The following TEX36 variants were observed in gnomAD, a reference collection of about 807,000 sequenced individuals.
TEX36 encodes the protein testis expressed 36, also known as testis-expressed protein 36.
In TEX36, 12 loss-of-function variants were observed where a neutral mutation model predicts 13.6. The ratio of observed to expected loss-of-function variants is 0.88; its 90% CI spans 0.56 to 1.43. The LOEUF (loss-of-function observed/expected upper bound fraction) is 1.43. Ranked by LOEUF, TEX36 falls within the 40% of genes most tolerant of loss-of-function variation. TEX36 has a pLI of 0.00. For synonymous variants in TEX36, 93 were observed against 83.0 expected, an observed-to-expected ratio of 1.12 and a Z score of -0.65; for missense variants, 224 against 228.3, an observed-to-expected ratio of 0.98 and a Z score of 0.12.
At chr10:125,646,543 T>C (rs1311933429) in intron 3 of TEX36, among the ~76,000 whole-genome samples, 1 of 151,388 alleles carries the variant, frequency 6.6e-6, no homozygotes, top group African/African-American at 2.4e-5. Flanking sequence ...CAAAATAAGC[T>C]CAAGAAAGGA....
chr10:125,620,327 G>C (rs1426286330), downstream of TEX36, among the ~76,000 whole-genome samples: 2 of 152,188 alleles, frequency 1.3e-5, no homozygotes, highest in African/African-American at 4.8e-5. Flanking sequence ...ACTCATTGTT[G>C]CTTTAATGGC....
At chr10:125,671,280 G>A (rs1242419371) in intron 1 of TEX36, among the ~76,000 whole-genome samples, 9 of 152,168 alleles carry the variant, frequency 5.9e-5, no homozygotes, top group African/African-American at 2.2e-4. Flanking sequence ...TGTCATAAAT[G>A]GCTCTTATAA....
chr10:125,576,599 TG>T, exon 4 of TEX36: 1 of 1,134,880 alleles, frequency 8.8e-7, no homozygotes, highest in Non-Finnish European at 1.2e-6. Context: ...TCTCCATAGC[TG>T]GAAATTTATT....
chr10:125,643,525 C>T (rs1372560281), intron 3 of TEX36, among the ~76,000 whole-genome samples: 2 of 152,210 alleles, frequency 1.3e-5, no homozygotes, highest in Non-Finnish European at 2.9e-5. Context: ...GGGCGGATCA[C>T]GAGGTCAGGA....
intron 3 of TEX36, among the ~76,000 whole-genome samples, chr10:125,644,918 C>T (rs924071233): frequency 1.1e-4 from 17 of 152,180 alleles, no homozygotes; most frequent in African/African-American, 3.9e-4. Flanking sequence ...TCAAGGTTTT[C>T]CATTGCTGGG....
At chr10:125,602,554 G>A (rs1017847711) in intron 3 of TEX36, among the ~76,000 whole-genome samples, 33 of 152,040 alleles carry the variant, frequency 2.2e-4, no homozygotes, top group East Asian at 1.9e-4. Flanking sequence ...CATGCTCCCC[G>A]GCAGCTGTAT....
chr10:125,639,632 G>A (rs779969194), intron 3 of TEX36, among the ~76,000 whole-genome samples: 2 of 152,046 alleles, frequency 1.3e-5, no homozygotes, highest in African/African-American at 2.4e-5. Flanking sequence ...AGGGTGGGAG[G>A]GGCTGTGGCC....
chr10:125,615,151 G>A (rs1258340427), intron 3 of TEX36, among the ~76,000 whole-genome samples: 82 of 152,210 alleles, frequency 5.4e-4, no homozygotes, highest in Non-Finnish European at 1.0e-3. Context: ...AGACTTTGCT[G>A]AAGTTGCTTA....
chr10:125,648,060 G>C (rs1408160756), intron 3 of TEX36, among the ~76,000 whole-genome samples: 2 of 152,246 alleles, frequency 1.3e-5, no homozygotes, highest in African/African-American at 4.8e-5. Flanking sequence ...TGCCTCTGTA[G>C]ACTTCACCTC....
Position 125,674,703 on chromosome 10 carries a change from T to C in TEX36, c.51+8236A>G, listed in dbSNP as rs111393481. ...CTTCCACAGGACTGCTGCAGTTTGC[T>C]GGAGGTCCATTCCAGACCCTATTTG... On this transcript the variant is annotated intron_variant, in intron 1 of 3. Transcript: ENST00000368821. Among the ~76,000 whole-genome samples, 105 of 152,376 alleles carry C rather than the reference T, an allele frequency of 6.9e-4. 1 individual carries two copies. Among genetic ancestry groups the C allele is most frequent in the African/African-American group, 2.4e-3 (100 of 41,596 alleles).
intron 3 of TEX36, among the ~76,000 whole-genome samples, chr10:125,635,233 G>C (rs1011606096): frequency 3.3e-5 from 5 of 152,162 alleles, no homozygotes; most frequent in African/African-American, 1.2e-4. Flanking sequence ...AAGGGATCCT[G>C]CATGCCTCAC....
chr10:125,646,287 C>G (rs1413697536), intron 3 of TEX36, among the ~76,000 whole-genome samples: 1 of 152,192 alleles, frequency 6.6e-6, no homozygotes, highest in African/African-American at 2.4e-5. Context: ...GATTATGCAA[C>G]TGCACACCAG....
At chr10:125,639,932 C>A (rs9422905) in intron 3 of TEX36, among the ~76,000 whole-genome samples, 35,175 of 152,060 alleles carry the variant, frequency 0.23, 5,773 homozygotes, top group East Asian at 0.46. Context: ...CCAGTCATGG[C>A]ATCTTAGACA....
Position 125,661,859 on chromosome 10 carries a change from TTG to T in TEX36, c.168_169del (p.Tyr56Ter), listed in dbSNP as rs1312063362. 6 of 1,551,706 alleles carry T rather than the reference TTG, an allele frequency of 3.9e-6. No individual in the cohort carries two copies. In the African/African-American group the frequency reaches 6.8e-5, roughly 18 times the overall value. On this transcript the variant is annotated stop_gained and frameshift_variant, in exon 2 of 4. Coordinates refer to ENST00000368821, the MANE Select transcript of TEX36 (RefSeq NM_001128202.3). LOFTEE classifies it high-confidence loss of function. ...TTCAGGACTCACCTTCTCCCGGACT[TTG>T]TATATGGGCGGCAGCTTCCCCTCCG...
At chr10:125,602,812 T>C (rs1363182921) in intron 3 of TEX36, among the ~76,000 whole-genome samples, 1 of 152,264 alleles carries the variant, frequency 6.6e-6, no homozygotes, top group Non-Finnish European at 1.5e-5. Flanking sequence ...TTCTGTTCTC[T>C]TTTTTAGGAA....
chr10:125,636,067 A>G (rs574706587), intron 3 of TEX36, among the ~76,000 whole-genome samples: 1 of 151,592 alleles, frequency 6.6e-6, no homozygotes, highest in East Asian at 2.0e-4. Context: ...TAGAGATGAG[A>G]TCTCGCCATG....
chr10:125,654,083 A>T (rs942932497), downstream of TEX36, among the ~76,000 whole-genome samples: 1 of 152,222 alleles, frequency 6.6e-6, no homozygotes, highest in Non-Finnish European at 1.5e-5. Flanking sequence ...TTTGGAAATG[A>T]CATAAAAGAA....
chr10:125,668,218 T>C (rs1847158817), intron 1 of TEX36, among the ~76,000 whole-genome samples: 1 of 152,202 alleles, frequency 6.6e-6, no homozygotes, highest in South Asian at 2.1e-4. Flanking sequence ...CTTTAATATT[T>C]TGAAATAGTT....
chr10:125,588,772 G>C (rs969065858), intron 3 of TEX36, among the ~76,000 whole-genome samples: 1 of 152,084 alleles, frequency 6.6e-6, no homozygotes, highest in African/African-American at 2.4e-5. Flanking sequence ...GTGCCACCAC[G>C]CCCAGCTAAT....
Sources: allele counts gnomAD v4.1 joint callset (sites outside exome capture counted in the v4.1 genomes callset), GRCh38; gene constraint gnomAD v4.1.1; transcripts MANE v1.5; gene names NCBI Gene and HGNC (gene_info 2026-07-23, HGNC 2026-07-21).